Variants in TNFRSF8 observed in about 807,000 individuals in gnomAD.
TNFRSF8 encodes TNF receptor superfamily member 8.
TNFRSF8 carries 26 observed loss-of-function variants against 70.8 expected under a neutral mutation model. The observed-to-expected ratio is 0.37, with a 90% CI of 0.27 to 0.51. The LOEUF (loss-of-function observed/expected upper bound fraction) is 0.51, where lower values mean the gene tolerates loss of function less well. Among genes scored for constraint, TNFRSF8 ranks in the 20% least tolerant of loss-of-function variants. The probability of loss-of-function intolerance (pLI) is 0.94; values close to 1 mark genes in which losing one functional copy is unlikely to be tolerated. For missense variants in TNFRSF8, 720 were observed against 807.9 expected (o/e 0.89, Z 1.32); for synonymous variants, 356 against 339.2 (o/e 1.05, Z -0.54).
intron 2 of TNFRSF8, among the ~76,000 whole-genome samples, chr1:12,095,921 T>A (rs1557585166): frequency 1.3e-5 from 2 of 152,338 alleles, no homozygotes; most frequent in East Asian, 3.9e-4. Flanking sequence ...CACCTCCTTC[T>A]TAGGCAAGTC....
chr1:12,107,785 TAGAAA>T (rs1641551155), intron 4 of TNFRSF8, among the ~76,000 whole-genome samples: 1 of 152,116 alleles, frequency 6.6e-6, no homozygotes, highest in Non-Finnish European at 1.5e-5. Context: ...AGCTGTAAAA[TAGAAA>T]GCAGTTTCTG....
At chr1:12,074,517 T>G (rs1640902837) in intron 1 of TNFRSF8, among the ~76,000 whole-genome samples, 1 of 152,054 alleles carries the variant, frequency 6.6e-6, no homozygotes, top group Non-Finnish European at 1.5e-5. Flanking sequence ...TGACCTCAAG[T>G]GATCCGCCCG....
chr1:12,067,139 T>C (rs1406087168), intron 1 of TNFRSF8, among the ~76,000 whole-genome samples: 1 of 152,214 alleles, frequency 6.6e-6, no homozygotes, highest in Non-Finnish European at 1.5e-5. Context: ...GGTGCATATC[T>C]GCAGAGAAAA....
chr1:12,074,273 CTTCT>C (rs1640899138), intron 1 of TNFRSF8, among the ~76,000 whole-genome samples: 1 of 151,678 alleles, frequency 6.6e-6, no homozygotes, highest in Non-Finnish European at 1.5e-5. Flanking sequence ...CCAAAGTCAC[CTTCT>C]TTCTTTCTTT....
At chr1:12,095,024 G>T (rs1411487512) in intron 2 of TNFRSF8, among the ~76,000 whole-genome samples, 1 of 152,146 alleles carries the variant, frequency 6.6e-6, no homozygotes, top group African/African-American at 2.4e-5. Flanking sequence ...CAGGGTTCAT[G>T]AACCTGAATG....
intron 8 of TNFRSF8, 70 bp downstream of exon 8, chr1:12,115,799 A>G: frequency 6.5e-7 from 1 of 1,547,544 alleles, no homozygotes; most frequent in Non-Finnish European, 8.8e-7. Context: ...GCCTCTCCCC[A>G]CCAACAGCCA....
Position 12,109,742 on chromosome 1 carries a change from A to G in TNFRSF8, c.512+86A>G, listed in dbSNP as rs1232671738. The G allele has an allele frequency of 2.5e-6, 3 of 1,199,806 alleles. No individual in the cohort carries two copies. Among genetic ancestry groups the G allele is most frequent in the African/African-American group, 1.5e-5 (1 of 66,950 alleles). 74.3% of individuals were successfully genotyped at this position (1,199,806 alleles called of 1,614,324 possible). A position where few individuals can be genotyped will look rare whatever the true frequency, so the allele number is the denominator to read the frequency against. ...CACCCCACAGGACGCCCATGGTACAACTGGGCTGGGGGTGTAAGCGGGATT... is the reference window on the plus strand; with the variant it reads ...CACCCCACAGGACGCCCATGGTACAGCTGGGCTGGGGGTGTAAGCGGGATT... On this transcript the variant is annotated intron_variant, in intron 5 of 14. Coordinates refer to ENST00000263932, the MANE Select transcript of TNFRSF8 (RefSeq NM_001243.5). The surrounding 1 kb of genome is among the most constrained non-coding windows in gnomAD (Gnocchi z 4.4).
intron 1 of TNFRSF8, among the ~76,000 whole-genome samples, chr1:12,082,595 A>T (rs1641085570): frequency 6.6e-6 from 1 of 151,774 alleles, no homozygotes; most frequent in Admixed American, 6.6e-5. Context: ...CCCCACAAAA[A>T]CCCACAAAAC....
At chr1:12,091,759 G>A (rs1160587302) in intron 2 of TNFRSF8, among the ~76,000 whole-genome samples, 3 of 152,172 alleles carry the variant, frequency 2.0e-5, no homozygotes, top group African/African-American at 7.2e-5. Flanking sequence ...CAACCTTTTT[G>A]GCACCAGGGA....
intron 8 of TNFRSF8, among the ~76,000 whole-genome samples, chr1:12,116,387 T>C (rs1267418480): frequency 6.6e-6 from 1 of 152,218 alleles, no homozygotes; most frequent in East Asian, 1.9e-4. Flanking sequence ...GCTTTACCAG[T>C]GTGCAGGAAA....
intron 1 of TNFRSF8, among the ~76,000 whole-genome samples, chr1:12,074,862 C>T (rs991172944): frequency 2.0e-5 from 3 of 151,760 alleles, no homozygotes; most frequent in African/African-American, 7.3e-5. Context: ...AATCATAGCT[C>T]ACTGTAACCT....
At position 12,108,049 on chromosome 1, in the gene TNFRSF8, C is replaced by T. The variant is rs151307027; in HGVS notation, c.422-1517C>T. On this transcript the variant is annotated intron_variant, in intron 4 of 14. Transcript: ENST00000263932. The surrounding 1 kb of genome is among the most constrained non-coding windows in gnomAD (Gnocchi z 4.0). ...CTCACCTCCACGGAAAGCTTCAGAGCGAAGTCCCACACATACAGGCCACCA... is the reference window on the plus strand; with the variant it reads ...CTCACCTCCACGGAAAGCTTCAGAGTGAAGTCCCACACATACAGGCCACCA... Among the ~76,000 whole-genome samples, 553 of 151,548 alleles carry T rather than the reference C, an allele frequency of 3.6e-3. 3 individuals are homozygous for T. Among genetic ancestry groups the T allele is most frequent in the Admixed American group, 7.2e-3 (109 of 15,162 alleles).
chr1:12,082,597 C>T (rs1641085717), intron 1 of TNFRSF8, among the ~76,000 whole-genome samples: 1 of 150,808 alleles, frequency 6.6e-6, no homozygotes, highest in African/African-American at 2.4e-5. Context: ...CCACAAAAAC[C>T]CACAAAACAA....
At chr1:12,127,320 TG>T (rs1222536738) in intron 12 of TNFRSF8, among the ~76,000 whole-genome samples, 1 of 152,212 alleles carries the variant, frequency 6.6e-6, no homozygotes, top group African/African-American at 2.4e-5. Context: ...TGATGACCTT[TG>T]TTCTGCAAGG....
Position 12,138,318 on chromosome 1 carries a change from G to C in TNFRSF8, c.1425G>C (p.Val475=), listed in dbSNP as rs755207420. The part of the protein sequence containing the change: ...SQPLMETCHS[V]GAAYLESLPL... The stretch of plus-strand genomic sequence containing the variant: ...CACTGATGGAGACCTGCCACAGCGT[G>C]GGGGCAGCCTACCTGGAGAGCCTGC... Residue 475 remains valine (V), a synonymous_variant, in exon 14 of 15, where the codon GTG becomes GTC. Transcript: ENST00000263932. This position sits in a 1 kb window ranked among gnomAD's most constrained non-coding sequence, Gnocchi z 5.7. 11 of 1,613,788 alleles carry C rather than the reference G, an allele frequency of 6.8e-6. No individual in the cohort carries two copies. Among genetic ancestry groups the C allele is most frequent in the East Asian group, 4.5e-5 (2 of 44,864 alleles).
At chr1:12,086,503 C>T (rs1212484899) in intron 2 of TNFRSF8, among the ~76,000 whole-genome samples, 1 of 133,814 alleles carries the variant, frequency 7.5e-6, no homozygotes, top group Non-Finnish European at 1.6e-5. Flanking sequence ...CAAGTACCTG[C>T]CCACCCACCC....
At chr1:12,086,339 G>T in intron 2 of TNFRSF8, among the ~76,000 whole-genome samples, 1 of 152,188 alleles carries the variant, frequency 6.6e-6, no homozygotes, top group African/African-American at 2.4e-5. Context: ...AAAAGTAGTG[G>T]GTTGGATGCT....
chr1:12,098,248 T>TATTGCC (rs1356949828), intron 3 of TNFRSF8, among the ~76,000 whole-genome samples: 2 of 152,240 alleles, frequency 1.3e-5, no homozygotes, highest in Non-Finnish European at 2.9e-5. Context: ...GTAATAATAA[T>TATTGCC]ATTGCCATTT....
intron 2 of TNFRSF8, among the ~76,000 whole-genome samples, chr1:12,096,829 A>G (rs1461325627): frequency 6.6e-6 from 1 of 152,224 alleles, no homozygotes; most frequent in Non-Finnish European, 1.5e-5. Context: ...CAAGGTCATT[A>G]TCACGCAATT....
Sources: allele counts gnomAD v4.1 joint callset (sites outside exome capture counted in the v4.1 genomes callset), GRCh38; gene constraint gnomAD v4.1.1; non-coding constraint Gnocchi (gnomAD v3.1); transcripts MANE v1.5; gene names NCBI Gene and HGNC (gene_info 2026-07-23, HGNC 2026-07-21).